VAV3: variants seen among roughly 807,000 people sequenced by gnomAD.
VAV3 encodes the protein guanine nucleotide exchange factor VAV3.
Under a neutral mutation model 131.2 loss-of-function variants are expected in VAV3, and 94 were observed. The ratio of observed to expected loss-of-function variants is 0.72; its 90% CI spans 0.61 to 0.85. The LOEUF (loss-of-function observed/expected upper bound fraction) is 0.85. Ranked by LOEUF, VAV3 falls within the 40% of genes least tolerant of loss-of-function variation. The pLI, the probability that VAV3 is intolerant of heterozygous loss-of-function variation, is 0.00. For synonymous variants in VAV3, 349 were observed against 342.0 expected, an observed-to-expected ratio of 1.02 and a Z score of -0.22; for missense variants, 939 against 1,002.7, an observed-to-expected ratio of 0.94 and a Z score of 0.86.
intron 25 of VAV3, among the ~76,000 whole-genome samples, chr1:107,577,614 G>A (rs1241885047): frequency 1.3e-5 from 2 of 152,110 alleles, no homozygotes; most frequent in Admixed American, 6.5e-5. Context: ...GTGGACACAC[G>A]CCTTTGCCTT....
intron 19 of VAV3, among the ~76,000 whole-genome samples, chr1:107,677,119 C>T (rs539966757): frequency 6.6e-6 from 1 of 152,244 alleles, no homozygotes; most frequent in African/African-American, 2.4e-5. Context: ...TGAAAGATAA[C>T]TAATTGCCAA....
At chr1:107,907,463 T>TC (rs1226270919) in intron 1 of VAV3, among the ~76,000 whole-genome samples, 1 of 152,152 alleles carries the variant, frequency 6.6e-6, no homozygotes, top group East Asian at 1.9e-4. Context: ...TTTAAATGTG[T>TC]CCCCCAAAGT....
intron 5 of VAV3, among the ~76,000 whole-genome samples, chr1:107,771,352 A>G (rs1231355015): frequency 6.7e-6 from 1 of 150,082 alleles, no homozygotes; most frequent in African/African-American, 2.5e-5. Flanking sequence ...TCCTGGGTTC[A>G]CGCCATTCTC....
chr1:107,579,019 A>T (rs1003472779), intron 25 of VAV3, among the ~76,000 whole-genome samples: 1 of 152,214 alleles, frequency 6.6e-6, no homozygotes, highest in African/African-American at 2.4e-5. Context: ...TGAAGGAATA[A>T]GGGTAATACT....
intron 16 of VAV3, 150 bp downstream of exon 16, chr1:107,704,810 G>A (rs987359696): frequency 2.0e-6 from 2 of 1,003,826 alleles, no homozygotes; most frequent in Non-Finnish European, 3.0e-6. Flanking sequence ...GACTGTCCAG[G>A]CAGAAAGCCT....
chr1:107,757,337 G>T lies in VAV3; in HGVS notation c.1018-8C>A, dbSNP rs759647476. 6.2e-7 allele frequency: 1 copy of T among 1,609,632 alleles called. No individual in the cohort carries two copies. The highest frequency in any genetic ancestry group is 1.1e-5 in the South Asian group (1 of 90,302). Reference sequence around the variant, plus strand: ...GGTATGTTTGACCAGTTCCTATTTGGAAGATATGGTTTAGTACTACTTTCA... The same window carrying T: ...GGTATGTTTGACCAGTTCCTATTTGTAAGATATGGTTTAGTACTACTTTCA... On this transcript the variant is annotated splice_region_variant and splice_polypyrimidine_tract_variant and intron_variant, in intron 10 of 26. Transcript: ENST00000370056.
At chr1:107,622,925 A>G (rs930331015) in intron 20 of VAV3, among the ~76,000 whole-genome samples, 3 of 152,224 alleles carry the variant, frequency 2.0e-5, no homozygotes, top group African/African-American at 7.2e-5. Context: ...GGATGGAAAG[A>G]TGAACACACT....
intron 2 of VAV3, among the ~76,000 whole-genome samples, chr1:107,793,539 A>G (rs1666399092): frequency 6.6e-6 from 1 of 152,204 alleles, no homozygotes; most frequent in African/African-American, 2.4e-5. Flanking sequence ...ACAGATGCTC[A>G]GTAACTACAT....
intron 19 of VAV3, among the ~76,000 whole-genome samples, chr1:107,682,697 C>A (rs1316094724): frequency 6.7e-6 from 1 of 149,214 alleles, no homozygotes; most frequent in East Asian, 1.9e-4. Context: ...TAGGTGAATA[C>A]CACTTATGAT....
At chr1:107,620,594 A>G (rs1490557994) in intron 20 of VAV3, among the ~76,000 whole-genome samples, 2 of 152,050 alleles carry the variant, frequency 1.3e-5, no homozygotes, top group African/African-American at 2.4e-5. Context: ...ACTCATGACT[A>G]TATGTCACTT....
chr1:107,740,751 C>A (rs905949919), intron 15 of VAV3, among the ~76,000 whole-genome samples: 5 of 152,230 alleles, frequency 3.3e-5, no homozygotes, highest in African/African-American at 4.8e-5. Context: ...CTAACTACAG[C>A]CCACGGGCCA....
At chr1:107,575,595 T>G (rs1341723718) in intron 25 of VAV3, among the ~76,000 whole-genome samples, 1 of 152,212 alleles carries the variant, frequency 6.6e-6, no homozygotes, top group African/African-American at 2.4e-5. Context: ...GTCCCATTAC[T>G]GGGGCACTAC....
rs191506319 is a variant in VAV3 at position 107,853,204 on chromosome 1, C to T, written c.321+21697G>A. Among the ~76,000 whole-genome samples, 494 of 152,118 alleles carry T rather than the reference C, an allele frequency of 3.2e-3. 3 individuals carry two copies. The highest frequency in any genetic ancestry group is 0.011 in the African/African-American group (464 of 41,508). On this transcript the variant is annotated intron_variant, in intron 2 of 26. Transcript: ENST00000370056. ...AAGAGCTCGTGCTCTGGAATCCGAC[C>T]CCATGGGTTCAAAATCCCTTCTCTA...
intron 15 of VAV3, among the ~76,000 whole-genome samples, chr1:107,709,741 C>T (rs1660665238): frequency 6.6e-6 from 1 of 152,188 alleles, no homozygotes; most frequent in Non-Finnish European, 1.5e-5. Context: ...GGGCTGCCCC[C>T]TTCACTGGGC....
At chr1:107,861,418 A>G (rs1023212) in intron 2 of VAV3, among the ~76,000 whole-genome samples, 45,782 of 151,264 alleles carry the variant, frequency 0.3, 8,666 homozygotes, top group Non-Finnish European at 0.39. Context: ...ATAAATTCTA[A>G]TTTTTCTGCT....
chr1:107,674,028 T>C (rs1248892464), intron 19 of VAV3, among the ~76,000 whole-genome samples: 1 of 152,242 alleles, frequency 6.6e-6, no homozygotes, highest in African/African-American at 2.4e-5. Context: ...CAAATATCTA[T>C]TGTATTTCTG....
chr1:107,721,277 T>C (rs1326850097), intron 15 of VAV3, among the ~76,000 whole-genome samples: 1 of 152,144 alleles, frequency 6.6e-6, no homozygotes, highest in African/African-American at 2.4e-5. Context: ...GTAAGAAGAC[T>C]CATCCAAAGA....
chr1:107,634,153 T>C lies in VAV3; in HGVS notation c.1914+8466A>G, dbSNP rs981802838. Among the ~76,000 whole-genome samples, 15 of 152,208 alleles carry C rather than the reference T, an allele frequency of 9.9e-5. No individual in the cohort carries two copies. The East Asian group carries it at 2.5e-3, about 25-fold the overall frequency. On this transcript the variant is annotated intron_variant, in intron 20 of 26. Transcript: ENST00000370056. ...GCTCATATGGAACCAAAAAAGAGCC[T>C]GCATTGCCAAGTCAATCCTAAGCCA...
intron 1 of VAV3, among the ~76,000 whole-genome samples, chr1:107,958,462 C>A (rs774004861): frequency 2.6e-5 from 4 of 152,060 alleles, no homozygotes; most frequent in Non-Finnish European, 5.9e-5. Flanking sequence ...ATCTCACAGA[C>A]AATAGTGATG....
Sources: gnomAD v4.1 joint callset for allele counts (sites outside exome capture counted in the v4.1 genomes callset) on GRCh38, gnomAD v4.1.1 for gene constraint, MANE v1.5 for transcripts, NCBI Gene and HGNC (gene_info 2026-07-23, HGNC 2026-07-21) for gene names.